Variants in SGCZ observed in about 807,000 individuals in gnomAD.
The protein encoded by SGCZ is zeta-sarcoglycan.
In SGCZ, 40 loss-of-function variants were observed where a neutral mutation model predicts 41.3. The ratio of observed to expected loss-of-function variants is 0.97; its 90% CI spans 0.75 to 1.26. The LOEUF (loss-of-function observed/expected upper bound fraction) is 1.26. SGCZ is among the 50% of genes most tolerant of loss of function. The probability of loss-of-function intolerance (pLI) is 0.00; values close to 1 mark genes in which losing one functional copy is unlikely to be tolerated. For synonymous variants in SGCZ, 206 were observed against 137.5 expected (o/e 1.50, Z -3.49); for missense variants, 552 against 369.8 (o/e 1.49, Z -4.04).
At chr8:14,322,093 G>T (rs921200252) in intron 3 of SGCZ, among the ~76,000 whole-genome samples, 3 of 152,034 alleles carry the variant, frequency 2.0e-5, no homozygotes, top group African/African-American at 7.2e-5. Context: ...TCATAAAATA[G>T]TTCAGCCACT....
chr8:14,738,187 G>A (rs1276946899), intron 1 of SGCZ, among the ~76,000 whole-genome samples: 3 of 151,930 alleles, frequency 2.0e-5, no homozygotes, highest in Admixed American at 2.0e-4. Flanking sequence ...AAAAATCTCT[G>A]TTTTCAACAT....
intron 1 of SGCZ, among the ~76,000 whole-genome samples, chr8:15,168,861 G>T (rs577276492): frequency 6.6e-6 from 1 of 152,154 alleles, no homozygotes; most frequent in Non-Finnish European, 1.5e-5. Context: ...AAACTAGTTG[G>T]TTTAGGATTG....
At chr8:14,368,103 T>G (rs1342676190) in intron 2 of SGCZ, among the ~76,000 whole-genome samples, 2 of 152,130 alleles carry the variant, frequency 1.3e-5, no homozygotes, top group Non-Finnish European at 2.9e-5. Context: ...TGTAACATTT[T>G]TTTTAAATGT....
At chr8:14,551,562 T>TATATA (rs1563404771) in intron 2 of SGCZ, among the ~76,000 whole-genome samples, 173 of 16,974 alleles carry the variant, frequency 0.01, 7 homozygotes, top group Middle Eastern at 0.056. Context: ...ATATATATTA[T>TATATA]ATATATAATA....
At chr8:14,896,080 C>A (rs563680348) in intron 1 of SGCZ, among the ~76,000 whole-genome samples, 1 of 152,278 alleles carries the variant, frequency 6.6e-6, no homozygotes, top group Admixed American at 6.5e-5. Context: ...AATTACAGGT[C>A]ATTAAAATCA....
At chr8:14,918,010 T>C (rs957626925) in intron 1 of SGCZ, among the ~76,000 whole-genome samples, 5 of 152,154 alleles carry the variant, frequency 3.3e-5, no homozygotes, top group African/African-American at 4.8e-5. Flanking sequence ...GAAAGACATA[T>C]CTATTTTTAA....
chr8:14,638,565 C>T (rs1391410042), intron 1 of SGCZ, among the ~76,000 whole-genome samples: 1 of 151,782 alleles, frequency 6.6e-6, no homozygotes, highest in Non-Finnish European at 1.5e-5. Context: ...TATCTTTACC[C>T]ACTTTTGACA....
chr8:14,500,300 C>G (rs1177505209), intron 2 of SGCZ, among the ~76,000 whole-genome samples: 3 of 152,036 alleles, frequency 2.0e-5, no homozygotes, highest in Non-Finnish European at 4.4e-5. Flanking sequence ...AATCTCAGTT[C>G]TCTCATCAGG....
chr8:15,167,665 A>G (rs1799705644), intron 1 of SGCZ, among the ~76,000 whole-genome samples: 1 of 85,330 alleles, frequency 1.2e-5, no homozygotes, highest in Non-Finnish European at 2.6e-5. Context: ...AGTCCTTTTT[A>G]TAATTTGGGA....
At chr8:14,092,499 G>C (rs1191739272) in intron 7 of SGCZ, among the ~76,000 whole-genome samples, 1 of 151,886 alleles carries the variant, frequency 6.6e-6, no homozygotes, top group African/African-American at 2.4e-5. Flanking sequence ...TGGTTTGGCT[G>C]TGTCCCCACC....
At chr8:14,527,987 T>A (rs1803006587) in intron 2 of SGCZ, among the ~76,000 whole-genome samples, 1 of 152,032 alleles carries the variant, frequency 6.6e-6, no homozygotes, top group African/African-American at 2.4e-5. Context: ...ATGAGTGAAC[T>A]TACATGTTTC....
intron 2 of SGCZ, among the ~76,000 whole-genome samples, chr8:14,507,774 G>GTTTTTTTTTTTTTTTTTT (rs61638509): frequency 7.4e-6 from 1 of 135,464 alleles, no homozygotes; most frequent in African/African-American, 2.8e-5. Context: ...TTTTGTTTTT[G>GTTTTTTTTTTTTTTTTTT]TTTTTTTTTT....
chr8:14,461,490 T>G (rs1465096830), intron 2 of SGCZ, among the ~76,000 whole-genome samples: 2 of 152,136 alleles, frequency 1.3e-5, no homozygotes, highest in African/African-American at 4.8e-5. Context: ...GGCTCTATAC[T>G]AGACCTACTG....
intron 4 of SGCZ, among the ~76,000 whole-genome samples, chr8:14,226,646 G>A (rs1220650008): frequency 6.6e-6 from 1 of 152,098 alleles, no homozygotes; most frequent in Admixed American, 6.6e-5. Flanking sequence ...GGCAATTGTG[G>A]ATAGAGCTGC....
intron 1 of SGCZ, among the ~76,000 whole-genome samples, chr8:15,181,449 C>A (rs1388411332): frequency 6.6e-6 from 1 of 152,122 alleles, no homozygotes; most frequent in Non-Finnish European, 1.5e-5. Flanking sequence ...ATTGAGAAGT[C>A]TTTTCAACGT....
At chr8:14,548,751 G>A (rs1803708445) in intron 2 of SGCZ, among the ~76,000 whole-genome samples, 2 of 152,090 alleles carry the variant, frequency 1.3e-5, no homozygotes, top group South Asian at 4.1e-4. Context: ...ATGTGTATGT[G>A]TATTTTTAAA....
chr8:14,471,438 A>G (rs185264324), intron 2 of SGCZ, among the ~76,000 whole-genome samples: 62 of 152,230 alleles, frequency 4.1e-4, no homozygotes, highest in Admixed American at 1.4e-3. Flanking sequence ...CATTCCAATG[A>G]TATATTTTAT....
At chr8:14,462,111 C>A (rs945630332) in intron 2 of SGCZ, among the ~76,000 whole-genome samples, 1 of 151,930 alleles carries the variant, frequency 6.6e-6, no homozygotes, top group Non-Finnish European at 1.5e-5. Context: ...ATAATTGACT[C>A]TTCTCATAGA....
At chr8:14,447,366 T>A (rs943977183) in intron 2 of SGCZ, among the ~76,000 whole-genome samples, 11 of 152,304 alleles carry the variant, frequency 7.2e-5, no homozygotes, top group African/African-American at 2.6e-4. Flanking sequence ...CATTTTAATA[T>A]GTTACTTGGG....
Sources: allele counts gnomAD v4.1 joint callset (sites outside exome capture counted in the v4.1 genomes callset), GRCh38; gene constraint gnomAD v4.1.1; transcripts MANE v1.5; gene names NCBI Gene and HGNC (gene_info 2026-07-23, HGNC 2026-07-21).